NPFFR2: variants seen among roughly 807,000 people sequenced by gnomAD.
NPFFR2 encodes G-protein coupled receptor 74.
Under a neutral mutation model 13.1 loss-of-function variants are expected in NPFFR2, and 15 were observed. The ratio of observed to expected loss-of-function variants is 1.15; its 90% CI spans 0.77 to 1.76. NPFFR2 has a LOEUF of 1.76. NPFFR2 is among the 40% of genes most tolerant of loss of function. The pLI, the probability that NPFFR2 is intolerant of heterozygous loss-of-function variation, is 0.00. For missense variants in NPFFR2, 572 were observed against 503.5 expected, an observed-to-expected ratio of 1.14 and a Z score of -1.30; for synonymous variants, 190 against 175.7, an observed-to-expected ratio of 1.08 and a Z score of -0.65.
chr4:72,038,905 C>CTTTTTTTTTTTTTTTTTTTTTT (rs1158358179), intron 1 of NPFFR2, among the ~76,000 whole-genome samples: 3 of 84,750 alleles, frequency 3.5e-5, no homozygotes, highest in Non-Finnish European at 6.4e-5. Context: ...AATTTCCTTT[C>CTTTTTTTTTTTTTTTTTTTTTT]TTTTTTTTTT....
intron 1 of NPFFR2, among the ~76,000 whole-genome samples, chr4:72,119,326 C>T (rs191526355): frequency 6.0e-4 from 91 of 152,236 alleles, no homozygotes; most frequent in East Asian, 1.9e-4. Flanking sequence ...TGTACTAACA[C>T]AGCAGATACA....
At chr4:72,073,905 A>G (rs772016157) in intron 1 of NPFFR2, among the ~76,000 whole-genome samples, 3 of 152,038 alleles carry the variant, frequency 2.0e-5, no homozygotes, top group Non-Finnish European at 4.4e-5. Context: ...AAAGGAATAG[A>G]AATATTTCAC....
At chr4:72,146,406 G>A (rs1461864861) in intron 3 of NPFFR2, 3 of 152,070 alleles carry the variant, frequency 2.0e-5, no homozygotes, top group African/African-American at 7.2e-5. Context: ...GCTTCTGCTT[G>A]CATCATGTTT....
intron 1 of NPFFR2, among the ~76,000 whole-genome samples, chr4:72,087,672 C>T (rs1369662029): frequency 1.8e-4 from 27 of 151,688 alleles, no homozygotes; most frequent in Admixed American, 1.8e-3. Context: ...TGAGAATGTC[C>T]CTAGATAAGG....
chr4:72,113,086 T>A (rs745826735), intron 1 of NPFFR2, among the ~76,000 whole-genome samples: 6 of 152,058 alleles, frequency 3.9e-5, no homozygotes, highest in Non-Finnish European at 4.4e-5. Context: ...GATTTAGTAG[T>A]CACCTGATCT....
At chr4:72,140,063 G>A (rs1404995581) in intron 3 of NPFFR2, among the ~76,000 whole-genome samples, 1 of 152,046 alleles carries the variant, frequency 6.6e-6, no homozygotes, top group African/African-American at 2.4e-5. Context: ...CTGTTTGTCT[G>A]TTATTGGTGT....
intron 1 of NPFFR2, among the ~76,000 whole-genome samples, chr4:72,070,142 T>C (rs186923286): frequency 3.3e-5 from 5 of 152,194 alleles, no homozygotes; most frequent in Non-Finnish European, 5.9e-5. Flanking sequence ...CCCTAGCAGA[T>C]TGACCCTAGA....
In NPFFR2 at chr4:72,147,136, C is replaced by T. The variant is rs781512532; in HGVS notation, c.587C>T (p.Ser196Phe). ...AAATATTACCGAGTGAGACTCAACT[C>T]CCAGAATAAAACCAGTCCAGTCTAC... ...EEKYYRVRLNSQNKTSPVYWC... is the reference protein window; with the variant it reads ...EEKYYRVRLNFQNKTSPVYWC... The change falls in exon 4 of 4, where the codon TCC becomes TTC. Residue 196 changes from serine to phenylalanine, a missense_variant. Transcript: ENST00000308744. The T allele has an allele frequency of 1.9e-6, 3 of 1,613,990 alleles. No homozygotes were observed. Among genetic ancestry groups the T allele is most frequent in the South Asian group, 2.2e-5 (2 of 91,084 alleles).
chr4:72,093,786 T>C (rs992428741), intron 1 of NPFFR2, among the ~76,000 whole-genome samples: 1 of 152,094 alleles, frequency 6.6e-6, no homozygotes, highest in African/African-American at 2.4e-5. Context: ...CTTTGGTGCC[T>C]CTTGGATTGG....
At chr4:72,141,486 C>T (rs1407123013) in intron 3 of NPFFR2, among the ~76,000 whole-genome samples, 2 of 152,168 alleles carry the variant, frequency 1.3e-5, no homozygotes, top group Non-Finnish European at 2.9e-5. Flanking sequence ...TTTCAAAGAA[C>T]ATCTTTATTT....
chr4:72,059,741 A>G (rs1047805404), intron 1 of NPFFR2, among the ~76,000 whole-genome samples: 1 of 152,048 alleles, frequency 6.6e-6, no homozygotes, highest in African/African-American at 2.4e-5. Context: ...AACTTATATT[A>G]ATATTTAGTC....
chr4:72,076,089 G>A (rs954111110), intron 1 of NPFFR2, among the ~76,000 whole-genome samples: 3 of 151,240 alleles, frequency 2.0e-5, no homozygotes, highest in South Asian at 2.1e-4. Context: ...ACAAAGGACC[G>A]GTAAGGCTAG....
chr4:72,128,928 G>A lies in NPFFR2; in HGVS notation c.328+9G>A, dbSNP rs2109834952. 6.3e-7 allele frequency: 1 copy of A among 1,585,186 alleles called. No homozygotes were observed. The highest frequency in any genetic ancestry group is 2.3e-5 in the East Asian group (1 of 44,408). On this transcript the variant is annotated intron_variant, in intron 2 of 3. Coordinates refer to ENST00000308744, the MANE Select transcript of NPFFR2 (RefSeq NM_004885.3). ...GGACAATATTATAGCAGGTATGTTG[G>A]CTTTTGTGCAGTTTGAAGATAATAT... is the stretch of plus-strand genomic sequence containing the variant.
chr4:72,124,505 G>A (rs1721978341), intron 1 of NPFFR2, among the ~76,000 whole-genome samples: 2 of 151,866 alleles, frequency 1.3e-5, no homozygotes, highest in Admixed American at 6.5e-5. Flanking sequence ...TGTACTACAA[G>A]GCTACTGTAA....
chr4:72,085,914 A>G (rs1720757829), intron 1 of NPFFR2, among the ~76,000 whole-genome samples: 1 of 152,150 alleles, frequency 6.6e-6, no homozygotes, highest in African/African-American at 2.4e-5. Flanking sequence ...CTAAGAAGAA[A>G]CAATGGAGGG....
intron 1 of NPFFR2, among the ~76,000 whole-genome samples, chr4:72,109,717 T>C (rs1721510373): frequency 6.6e-6 from 1 of 152,008 alleles, no homozygotes; most frequent in Admixed American, 6.6e-5. Context: ...TTGTTGTTGT[T>C]GTTGTTTTTT....
chr4:72,032,227 G>A, intron 1 of NPFFR2, 27 bp downstream of exon 1: 8 of 1,568,762 alleles, frequency 5.1e-6, no homozygotes, highest in Non-Finnish European at 6.1e-6. Context: ...GTTTGTCTGG[G>A]GGCCCCCGCT....
intron 1 of NPFFR2, among the ~76,000 whole-genome samples, chr4:72,047,608 G>A (rs992680415): frequency 2.6e-4 from 39 of 152,134 alleles, no homozygotes; most frequent in African/African-American, 8.7e-4. Flanking sequence ...CATAATCCTT[G>A]TGATTACTTG....
intron 1 of NPFFR2, among the ~76,000 whole-genome samples, chr4:72,037,963 A>T (rs866073934): frequency 6.6e-6 from 1 of 152,170 alleles, no homozygotes; most frequent in South Asian, 2.1e-4. Context: ...ACTTTTTCTA[A>T]TTCATGTTTA....
Sources: gnomAD v4.1 joint callset for allele counts (sites outside exome capture counted in the v4.1 genomes callset) on GRCh38, gnomAD v4.1.1 for gene constraint, MANE v1.5 for transcripts, NCBI Gene and HGNC (gene_info 2026-07-23, HGNC 2026-07-21) for gene names.